CSMD1: variants seen among roughly 807,000 people sequenced by gnomAD.
CSMD1 encodes CUB and Sushi multiple domains 1.
In CSMD1, 213 loss-of-function variants were observed where a neutral mutation model predicts 417.5. The ratio of observed to expected loss-of-function variants is 0.51; its 90% CI spans 0.46 to 0.57. The LOEUF (loss-of-function observed/expected upper bound fraction) is 0.57, where lower values mean the gene tolerates loss of function less well. CSMD1 is among the 20% of genes least tolerant of loss of function. The pLI, the probability that CSMD1 is intolerant of heterozygous loss-of-function variation, is 0.00. For missense variants in CSMD1, 6,923 were observed against 4,529.7 expected (o/e 1.53, Z -15.17); for synonymous variants, 2,862 against 1,736.8 (o/e 1.65, Z -16.11).
intron 3 of CSMD1, among the ~76,000 whole-genome samples, chr8:4,198,378 C>A (rs1305669131): frequency 6.6e-6 from 1 of 152,198 alleles, no homozygotes; most frequent in African/African-American, 2.4e-5. Context: ...TTGTCCTACA[C>A]TGTGATGGAC....
At chr8:3,475,741 A>G (rs1289171510) in intron 11 of CSMD1, among the ~76,000 whole-genome samples, 1 of 152,302 alleles carries the variant, frequency 6.6e-6, no homozygotes, top group African/African-American at 2.4e-5. Flanking sequence ...TATTTCTCCA[A>G]TTTCAAGTAT....
chr8:4,030,297 C>A (rs1487822012), intron 4 of CSMD1, among the ~76,000 whole-genome samples: 1 of 152,218 alleles, frequency 6.6e-6, no homozygotes, highest in African/African-American at 2.4e-5. Flanking sequence ...AGGACCGCCA[C>A]CCATAGCAAA....
chr8:3,629,321 C>T (rs1403381277), intron 7 of CSMD1, among the ~76,000 whole-genome samples: 1 of 124,886 alleles, frequency 8.0e-6, no homozygotes, highest in South Asian at 2.5e-4. Context: ...TATTTTCTTT[C>T]ACTGATGCAT....
rs184313654 is a variant in CSMD1, at chr8:4,358,503, G to A, written c.415+61450C>T. Among the ~76,000 whole-genome samples, 1,166 of 152,284 alleles carry A rather than the reference G, an allele frequency of 7.7e-3. 5 individuals carry two copies. Among genetic ancestry groups the A allele is most frequent in the Non-Finnish European group, 9.5e-3 (644 of 68,014 alleles). On this transcript the variant is annotated intron_variant, in intron 3 of 69. Transcript: ENST00000635120. ...CCACAAGGTGTATGTCTCCTTTTGC[G>A]ATACCAGCAGAGCTCCGCAGATGCA...
chr8:3,614,057 C>G (rs1298572064), intron 8 of CSMD1, among the ~76,000 whole-genome samples: 1 of 152,052 alleles, frequency 6.6e-6, no homozygotes, highest in East Asian at 1.9e-4. Flanking sequence ...ACTAGCTTGT[C>G]TCTGTTATGT....
At chr8:3,581,608 G>A (rs1016751463) in intron 9 of CSMD1, among the ~76,000 whole-genome samples, 2 of 152,110 alleles carry the variant, frequency 1.3e-5, no homozygotes, top group Non-Finnish European at 2.9e-5. Flanking sequence ...GGAACCTTGA[G>A]AATCAGTCCT....
At chr8:3,729,323 G>T (rs527473656) in intron 6 of CSMD1, among the ~76,000 whole-genome samples, 3 of 152,110 alleles carry the variant, frequency 2.0e-5, no homozygotes, top group African/African-American at 7.2e-5. Context: ...TCTGAGGGTG[G>T]GCTTCGGAGT....
rs1331200692 is a variant in CSMD1, at chr8:3,410,193, C to T, written c.1562-588G>A. ...GTCCAAATACACCAAACCTATATTT[C>T]AAATGTTGATCTGTCTCAAATGTTA... On this transcript the variant is annotated intron_variant, in intron 12 of 69. Coordinates refer to ENST00000635120, the MANE Select transcript of CSMD1 (RefSeq NM_033225.6). 2.0e-5 allele frequency among the ~76,000 whole-genome samples: 3 copies of T among 152,252 alleles called. No individual in the cohort carries two copies. In the Middle Eastern group the frequency reaches 0.01, roughly 518 times the overall value.
chr8:4,771,167 A>C (rs370442969), intron 1 of CSMD1, among the ~76,000 whole-genome samples: 8 of 152,354 alleles, frequency 5.3e-5, no homozygotes, highest in Admixed American at 2.6e-4. Flanking sequence ...CATTACACAG[A>C]GAAGACTGAG....
chr8:4,577,434 G>C (rs1025778641), intron 2 of CSMD1, among the ~76,000 whole-genome samples: 16 of 152,106 alleles, frequency 1.1e-4, no homozygotes, highest in African/African-American at 2.4e-4. Flanking sequence ...TCTGCTCTCA[G>C]GAACCCAACA....
rs1233072875 is a variant in CSMD1 at position 4,371,148 on chromosome 8, G to T, written c.415+48805C>A. On this transcript the variant is annotated intron_variant, in intron 3 of 69. Coordinates refer to ENST00000635120, the MANE Select transcript of CSMD1 (RefSeq NM_033225.6). ...GAGAGTTTCACAGTAGAACAAGTTG[G>T]GTATAGCTGAATGACTTTATTTCTG... 2.6e-5 allele frequency among the ~76,000 whole-genome samples: 4 copies of T among 152,094 alleles called. No homozygotes were observed. In the East Asian group the frequency reaches 7.7e-4, roughly 29 times the overall value.
intron 5 of CSMD1, among the ~76,000 whole-genome samples, chr8:3,993,622 G>A (rs966047358): frequency 2.0e-5 from 3 of 152,196 alleles, no homozygotes; most frequent in Admixed American, 6.5e-5. Flanking sequence ...CCATACACCA[G>A]ATAGGCAAAA....
intron 3 of CSMD1, among the ~76,000 whole-genome samples, chr8:4,272,777 T>C (rs1804686544): frequency 6.6e-6 from 1 of 152,164 alleles, no homozygotes; most frequent in Admixed American, 6.6e-5. Flanking sequence ...TAAAGGAGGT[T>C]AGTATGAGAT....
chr8:4,446,370 G>C (rs1481987748), intron 2 of CSMD1, among the ~76,000 whole-genome samples: 1 of 151,998 alleles, frequency 6.6e-6, no homozygotes, highest in African/African-American at 2.4e-5. Context: ...CAACATGGCA[G>C]AACCCCAACT....
At chr8:4,502,199 T>A (rs1257812903) in intron 2 of CSMD1, among the ~76,000 whole-genome samples, 1 of 151,160 alleles carries the variant, frequency 6.6e-6, no homozygotes, top group Non-Finnish European at 1.5e-5. Context: ...ACAGAAACAT[T>A]TTTTTTTTAC....
At chr8:3,107,449 T>C (rs548833520) in intron 45 of CSMD1, among the ~76,000 whole-genome samples, 2 of 152,076 alleles carry the variant, frequency 1.3e-5, no homozygotes, top group African/African-American at 4.8e-5. Context: ...CCAAATGTTG[T>C]AGAGGAAAAA....
intron 5 of CSMD1, among the ~76,000 whole-genome samples, chr8:3,960,535 G>T (rs935632756): frequency 6.6e-6 from 1 of 152,066 alleles, no homozygotes; most frequent in Admixed American, 6.6e-5. Flanking sequence ...ATTTAAGTGT[G>T]CCAATTAGGA....
At chr8:3,728,616 G>T (rs1307720740) in intron 6 of CSMD1, among the ~76,000 whole-genome samples, 1 of 152,120 alleles carries the variant, frequency 6.6e-6, no homozygotes, top group Admixed American at 6.5e-5. Context: ...GGGCATCTGT[G>T]GTAGAGACCA....
Position 3,402,764 on chromosome 8 carries a change from C to A in CSMD1, c.2267-3235G>T, listed in dbSNP as rs548598068. The stretch of plus-strand genomic sequence containing the variant: ...AGTTTGTCTATTTTATTGATATTAA[C>A]AACTCACTCTTGCTTTAAATTGTTT... On this transcript the variant is annotated intron_variant, in intron 15 of 69. Transcript: ENST00000635120. Among the ~76,000 whole-genome samples the A allele has an allele frequency of 2.6e-5, 4 of 152,174 alleles. No homozygotes were observed. In the South Asian group the frequency reaches 8.3e-4, roughly 32 times the overall value.
Sources: gnomAD v4.1 joint callset for allele counts (sites outside exome capture counted in the v4.1 genomes callset) on GRCh38, gnomAD v4.1.1 for gene constraint, MANE v1.5 for transcripts, NCBI Gene and HGNC (gene_info 2026-07-23, HGNC 2026-07-21) for gene names.